The following TCF20 variants were observed in gnomAD, a reference collection of about 807,000 sequenced individuals.
TCF20 encodes SPRE-binding protein.
In TCF20, 3 loss-of-function variants were observed where a neutral mutation model predicts 148.6. The observed-to-expected ratio is 0.02, with a 90% confidence interval of 0.01 to 0.05. TCF20 has a LOEUF of 0.05. Among genes scored for constraint, TCF20 ranks in the 10% least tolerant of loss-of-function variants. TCF20 has a pLI of 1.00. For missense variants in TCF20, 2,350 were observed against 2,429.3 expected, an observed-to-expected ratio of 0.97 and a Z score of 0.69; for synonymous variants, 1,049 against 909.5, an observed-to-expected ratio of 1.15 and a Z score of -2.76.
intron 1 of TCF20, among the ~76,000 whole-genome samples, chr22:42,243,361 G>C (rs1924632071): frequency 6.9e-6 from 1 of 145,144 alleles, no homozygotes; most frequent in Admixed American, 7.1e-5. Context: ...CCAGCACTTT[G>C]GGAGGCTGAG....
Position 42,210,391 on chromosome 22 carries a change from T to G in TCF20, c.4915A>C (p.Asn1639His). Residue 1639 changes from asparagine (N) to histidine (H), a missense_variant, in exon 2 of 6, where the codon AAT (asparagine) becomes CAT (histidine). This residue lies in a region of TCF20 where 374 missense variants were observed against 398.3 expected (regional missense o/e 0.94). Transcript: ENST00000677622. This position sits in a 1 kb window ranked among gnomAD's most constrained non-coding sequence, Gnocchi z 4.7. Reference protein sequence around the residue: ...KSFYPYIHVVNKCELGAVCTI... With the variant: ...KSFYPYIHVVHKCELGAVCTI... ...CAAACGGCTCCAAGTTCACACTTAT[T>G]TACTACATGGATGTAAGGGTAAAAA... 1 of 1,614,246 alleles carries G rather than the reference T, an allele frequency of 6.2e-7. No homozygotes were observed. The highest frequency in any genetic ancestry group is 8.5e-7 in the Non-Finnish European group (1 of 1,180,050).
intron 2 of TCF20, among the ~76,000 whole-genome samples, chr22:42,181,603 T>C: frequency 6.6e-6 from 1 of 151,238 alleles, no homozygotes; most frequent in Non-Finnish European, 1.5e-5. Context: ...CCAACCTTTT[T>C]TTTTTTTTTT....
intron 2 of TCF20, among the ~76,000 whole-genome samples, chr22:42,189,439 G>C (rs1203976876): frequency 2.0e-5 from 3 of 152,208 alleles, no homozygotes; most frequent in African/African-American, 4.8e-5. Context: ...TTTGGACTGA[G>C]AGCAAAATCT....
intron 1 of TCF20, among the ~76,000 whole-genome samples, chr22:42,336,271 G>A (rs1054918688): frequency 6.6e-6 from 1 of 152,056 alleles, no homozygotes; most frequent in Non-Finnish European, 1.5e-5. Flanking sequence ...GGCATGGCTC[G>A]GGTAGCTAGG....
rs146114812 is a variant in TCF20 at position 42,250,090 on chromosome 22, T to C, written c.-37+20249A>G. 3.5e-4 allele frequency among the ~76,000 whole-genome samples: 54 copies of C among 152,158 alleles called. 1 individual carries two copies. The East Asian group carries it at 0.01, about 28-fold the overall frequency. ...AGTGCACTATGATCATGCCTGTGAA[T>C]AGTCACTGCACTCCAGCATGGGCAA... On this transcript the variant is annotated intron_variant, in intron 1 of 5. Transcript: ENST00000677622.
rs1927624521 is a variant in TCF20 at position 42,316,072 on chromosome 22, C to T, written c.-37+27407G>A. On this transcript the variant is annotated intron_variant, in intron 1 of 1. Transcript: ENST00000515426. Reference sequence around the variant, plus strand: ...GCAGTGAGCTGAGATCGCGCCACTGCACTCCAGTCTGAGTGACAGAACAAG... The same window carrying T: ...GCAGTGAGCTGAGATCGCGCCACTGTACTCCAGTCTGAGTGACAGAACAAG... 2.8e-5 allele frequency among the ~76,000 whole-genome samples: 4 copies of T among 142,750 alleles called. No individual in the cohort carries two copies. In the Admixed American group the frequency reaches 2.9e-4, roughly 10 times the overall value. The allele number at this position is 142,750 out of a possible 152,430, so 93.6% of individuals were successfully genotyped here. A position where few individuals can be genotyped will look rare whatever the true frequency, so the allele number is the denominator to read the frequency against.
At chr22:42,243,308 A>AAAAAAAG (rs1924614795) in intron 1 of TCF20, among the ~76,000 whole-genome samples, 1 of 145,146 alleles carries the variant, frequency 6.9e-6, no homozygotes, top group Non-Finnish European at 1.6e-5. Context: ...AAAAAAAAAA[A>AAAAAAAG]AAAAAAAAAA....
At chr22:42,314,670 C>G (rs1196884206) in intron 1 of TCF20, among the ~76,000 whole-genome samples, 1 of 152,244 alleles carries the variant, frequency 6.6e-6, no homozygotes, top group Non-Finnish European at 1.5e-5. Context: ...CCCTGCACCC[C>G]TCCTGTCTGC....
intron 1 of TCF20, among the ~76,000 whole-genome samples, chr22:42,243,310 A>AAAAACAAAAAAAAAAAAAAAAAC (rs1555943091): frequency 7.1e-6 from 1 of 140,864 alleles, no homozygotes; most frequent in African/African-American, 3.0e-5. Context: ...AAAAAAAAAA[A>AAAAACAAAAAAAAAAAAAAAAAC]AAAAAAAAAA....
intron 2 of TCF20, among the ~76,000 whole-genome samples, chr22:42,193,365 T>C (rs371835228): frequency 1.3e-5 from 2 of 151,338 alleles, no homozygotes; most frequent in South Asian, 4.2e-4. Context: ...GCAGTGAGCT[T>C]TGATTGTGCC....
At chr22:42,206,917 T>G (rs547272624) in intron 2 of TCF20, among the ~76,000 whole-genome samples, 1 of 152,128 alleles carries the variant, frequency 6.6e-6, no homozygotes, top group Admixed American at 6.5e-5. Flanking sequence ...GTGGATAAAC[T>G]TGCAAGATAA....
intron 1 of TCF20, among the ~76,000 whole-genome samples, chr22:42,263,362 AT>A (rs529545567): frequency 7.2e-4 from 110 of 152,272 alleles, no homozygotes; most frequent in African/African-American, 2.6e-3. Flanking sequence ...AAGAATCCCT[AT>A]TTCTTGCCAA....
Position 42,178,830 on chromosome 22 carries a change from G to A in TCF20, c.5749+779C>T, listed in dbSNP as rs190796415. 5.4e-3 allele frequency among the ~76,000 whole-genome samples: 815 copies of A among 151,330 alleles called. 3 individuals carry two copies. Among genetic ancestry groups the A allele is most frequent in the Middle Eastern group, 0.01 (3 of 294 alleles). On this transcript the variant is annotated intron_variant, in intron 3 of 5. Transcript: ENST00000677622. ...CCTGACCCCATGATCCACCCGCCCGGCCTACAAATAATTCTTAAAACTTGA... is the reference window on the plus strand; with the variant it reads ...CCTGACCCCATGATCCACCCGCCCGACCTACAAATAATTCTTAAAACTTGA...
At chr22:42,223,608 A>G (rs1046889751) in intron 1 of TCF20, among the ~76,000 whole-genome samples, 1 of 152,202 alleles carries the variant, frequency 6.6e-6, no homozygotes, top group African/African-American at 2.4e-5. Context: ...TATTCATGGT[A>G]AACAATGAGA....
chr22:42,321,955 A>T (rs1273872420), intron 1 of TCF20, among the ~76,000 whole-genome samples: 6 of 151,636 alleles, frequency 4.0e-5, no homozygotes, highest in Admixed American at 4.0e-4. Flanking sequence ...TTAAAAAAAA[A>T]AAAAGATAAT....
intron 1 of TCF20, among the ~76,000 whole-genome samples, chr22:42,250,372 G>T (rs1017790553): frequency 6.8e-6 from 1 of 147,446 alleles, no homozygotes; most frequent in South Asian, 2.1e-4. Context: ...CCTGAACCCA[G>T]GAGACAAAGG....
intron 1 of TCF20, among the ~76,000 whole-genome samples, chr22:42,339,417 G>A (rs1000452838): frequency 5.3e-5 from 8 of 152,150 alleles, no homozygotes; most frequent in African/African-American, 1.4e-4. Context: ...GTGGGTACCT[G>A]GTACCCCCTG....
chr22:42,273,221 G>C (rs539449309), upstream of TCF20, among the ~76,000 whole-genome samples: 2 of 151,726 alleles, frequency 1.3e-5, no homozygotes, highest in African/African-American at 2.4e-5. Context: ...TTAGCTGGGC[G>C]TGGTGGCGGG....
At position 42,317,430 on chromosome 22, in the gene TCF20, T is replaced by A. The variant is rs893090177; in HGVS notation, c.-37+26049A>T. ...GACGGAGCTTCGATTTAAACACAGA[T>A]GACGGAAAATCTCCTTTTCCTCCCA... On this transcript the variant is annotated intron_variant, in intron 1 of 1. Transcript: ENST00000515426. This position sits in a 1 kb window ranked among gnomAD's most constrained non-coding sequence, Gnocchi z 4.2. Among the ~76,000 whole-genome samples, 2 of 152,134 alleles carry A rather than the reference T, an allele frequency of 1.3e-5. No homozygotes were observed. Among genetic ancestry groups the A allele is most frequent in the Non-Finnish European group, 2.9e-5 (2 of 68,028 alleles).
Sources: allele counts gnomAD v4.1 joint callset (sites outside exome capture counted in the v4.1 genomes callset), GRCh38; gene constraint gnomAD v4.1.1; regional missense constraint gnomAD v4.1.1; non-coding constraint Gnocchi (gnomAD v3.1); transcripts MANE v1.5; gene names NCBI Gene and HGNC (gene_info 2026-07-23, HGNC 2026-07-21).